The following RBL2 variants were observed in gnomAD, a reference collection of about 807,000 sequenced individuals.
RBL2 encodes RB transcriptional corepressor like 2.
In RBL2, 56 loss-of-function variants were observed where a neutral mutation model predicts 126.0. The observed-to-expected ratio is 0.44, with a 90% CI of 0.36 to 0.56. The LOEUF is 0.56. Among genes scored for constraint, RBL2 ranks in the 20% least tolerant of loss-of-function variants. The pLI, the probability that RBL2 is intolerant of heterozygous loss-of-function variation, is 0.00. For missense variants in RBL2, 1,229 were observed against 1,398.2 expected (o/e 0.88, Z 1.93); for synonymous variants, 454 against 478.5 (o/e 0.95, Z 0.67).
chr16:53,457,241 A>G (rs1399437688), intron 8 of RBL2, among the ~76,000 whole-genome samples: 1 of 129,242 alleles, frequency 7.7e-6, no homozygotes, highest in Non-Finnish European at 1.7e-5. Context: ...TGGGGTCATC[A>G]GGGTGGGTAC....
intron 17 of RBL2, among the ~76,000 whole-genome samples, chr16:53,476,153 A>G (rs773241427): frequency 1.1e-4 from 17 of 151,472 alleles, no homozygotes; most frequent in Non-Finnish European, 2.5e-4. Context: ...AGCATTAACA[A>G]CTCTAAATTT....
intron 8 of RBL2, among the ~76,000 whole-genome samples, chr16:53,456,014 T>C (rs2058163640): frequency 1.3e-5 from 2 of 151,662 alleles, no homozygotes; most frequent in Admixed American, 1.3e-4. Context: ...ACATAAAATA[T>C]TAATACAAAA....
At chr16:53,439,552 T>C (rs1446754697) in intron 2 of RBL2, among the ~76,000 whole-genome samples, 2 of 152,344 alleles carry the variant, frequency 1.3e-5, no homozygotes, top group South Asian at 4.1e-4. Context: ...ATGGAACATG[T>C]AAGTATTTCT....
intron 1 of RBL2, 43 bp from the exon 2 acceptor site, chr16:53,438,973 A>G (rs1426373712): frequency 3.8e-6 from 5 of 1,329,010 alleles, no homozygotes; most frequent in African/African-American, 1.5e-5. Flanking sequence ...AAATATTTAT[A>G]TGTAGCTTTT....
intron 2 of RBL2, among the ~76,000 whole-genome samples, chr16:53,442,414 A>G (rs935418212): frequency 6.6e-6 from 1 of 152,198 alleles, no homozygotes; most frequent in Non-Finnish European, 1.5e-5. Context: ...TTTGGTTTGT[A>G]TTTTCAAATA....
At chr16:53,483,943 A>AG (rs200566954) in intron 21 of RBL2, among the ~76,000 whole-genome samples, 6,359 of 141,456 alleles carry the variant, frequency 0.045, 425 homozygotes, top group African/African-American at 0.16. Flanking sequence ...AAAAAAAAAA[A>AG]GGTGTAAAGG....
intron 9 of RBL2, among the ~76,000 whole-genome samples, chr16:53,460,210 C>A (rs975409205): frequency 6.6e-6 from 1 of 152,170 alleles, no homozygotes; most frequent in Non-Finnish European, 1.5e-5. Context: ...TTATGCATAA[C>A]CTTTGGCAAG....
At chr16:53,486,114 A>G (rs1464640400) in intron 21 of RBL2, among the ~76,000 whole-genome samples, 4 of 139,672 alleles carry the variant, frequency 2.9e-5, no homozygotes, top group Non-Finnish European at 6.1e-5. Flanking sequence ...ACATAGCAAG[A>G]CCTTGTCTCT....
intron 2 of RBL2, among the ~76,000 whole-genome samples, chr16:53,442,380 G>A (rs772431315): frequency 6.6e-6 from 1 of 152,168 alleles, no homozygotes; most frequent in Non-Finnish European, 1.5e-5. Context: ...CAACGTGAAT[G>A]TTGGTTAGGT....
chr16:53,459,101 G>T (rs1405408280), intron 8 of RBL2, among the ~76,000 whole-genome samples: 1 of 152,158 alleles, frequency 6.6e-6, no homozygotes, highest in Non-Finnish European at 1.5e-5. Flanking sequence ...AATTTTTCAG[G>T]TGAGCAGAAT....
At position 53,485,833 on chromosome 16, in the gene RBL2, G is replaced by C. The variant is rs910974490; in HGVS notation, c.3249+3998G>C. On this transcript the variant is annotated intron_variant, in intron 21 of 21. Coordinates refer to ENST00000262133, the MANE Select transcript of RBL2 (RefSeq NM_005611.4). ...CTCACATTACTACACTCCAGCCTGAGTGACAGAATGAGACCATCTAAAAAA... is the reference window on the plus strand; with the variant it reads ...CTCACATTACTACACTCCAGCCTGACTGACAGAATGAGACCATCTAAAAAA... 2.6e-5 allele frequency among the ~76,000 whole-genome samples: 4 copies of C among 151,584 alleles called. No individual in the cohort carries two copies. The East Asian group carries it at 5.8e-4, about 22-fold the overall frequency.
intron 2 of RBL2, 56 bp downstream of exon 2, chr16:53,439,202 T>C: frequency 7.2e-7 from 1 of 1,393,458 alleles, no homozygotes; most frequent in Non-Finnish European, 9.5e-7. Flanking sequence ...TCATAAATCA[T>C]AGTGATAGTA....
At chr16:53,463,923 T>C (rs1053949000) in intron 11 of RBL2, among the ~76,000 whole-genome samples, 1 of 152,206 alleles carries the variant, frequency 6.6e-6, no homozygotes, top group African/African-American at 2.4e-5. Context: ...CATCTTTCCC[T>C]GTCATTGTTC....
intron 21 of RBL2, chr16:53,488,028 A>T (rs944367632): frequency 2.6e-5 from 4 of 152,232 alleles, no homozygotes; most frequent in African/African-American, 9.6e-5. Flanking sequence ...ATACCATTAT[A>T]CAACCAGCAA....
At chr16:53,486,308 T>A (rs1598136833) in intron 21 of RBL2, among the ~76,000 whole-genome samples, 1 of 152,150 alleles carries the variant, frequency 6.6e-6, no homozygotes, top group Non-Finnish European at 1.5e-5. Flanking sequence ...TTCAAAACTT[T>A]AATGCCAATA....
Position 53,461,737 on chromosome 16 carries a change from T to C in RBL2, c.1347-4T>C. 2.5e-6 allele frequency: 4 copies of C among 1,573,324 alleles called. No individual in the cohort carries two copies. Among genetic ancestry groups the C allele is most frequent in the Non-Finnish European group, 2.6e-6 (3 of 1,162,610 alleles). ...ATTATGTTATTTCTCATTACCTTTT[T>C]TAGGACATGTTCCAGAGATCCAACC... On this transcript the variant is annotated splice_polypyrimidine_tract_variant and splice_region_variant and intron_variant, in intron 9 of 21. Transcript: ENST00000262133.
At chr16:53,480,194 G>T (rs1028526185) in intron 19 of RBL2, 25 of 546,708 alleles carry the variant, frequency 4.6e-5, no homozygotes, top group Non-Finnish European at 3.9e-5. Context: ...TTTTCTCCAG[G>T]AGAATTAGAG....
intron 2 of RBL2, 30 bp downstream of exon 2, chr16:53,439,176 T>C (rs202189086): frequency 2.9e-5 from 44 of 1,542,678 alleles, no homozygotes; most frequent in Non-Finnish European, 3.8e-5. Flanking sequence ...ACAAGTAGAG[T>C]ATGGCTAATG....
chr16:53,448,119 G>T (rs2058079893), intron 4 of RBL2, among the ~76,000 whole-genome samples: 1 of 152,060 alleles, frequency 6.6e-6, no homozygotes. Flanking sequence ...ATAAGTATAA[G>T]AGAGACTCTC....
Sources: allele counts gnomAD v4.1 joint callset (sites outside exome capture counted in the v4.1 genomes callset), GRCh38; gene constraint gnomAD v4.1.1; transcripts MANE v1.5; gene names NCBI Gene and HGNC (gene_info 2026-07-23, HGNC 2026-07-21).